CTBP2: variants seen among roughly 807,000 people sequenced by gnomAD.
CTBP2 encodes the protein C-terminal binding protein 2, also known as C-terminal-binding protein 2.
A neutral mutation model predicts 80.3 loss-of-function variants in CTBP2; 30 were observed. The ratio of observed to expected loss-of-function variants is 0.37; its 90% CI spans 0.28 to 0.51. The LOEUF is 0.51. Ranked by LOEUF, CTBP2 falls within the 20% of genes least tolerant of loss-of-function variation. The probability of loss-of-function intolerance (pLI) is 0.93; values close to 1 mark genes in which losing one functional copy is unlikely to be tolerated. For missense variants in CTBP2, 1,212 were observed against 1,375.3 expected (o/e 0.88, Z 1.88); for synonymous variants, 594 against 587.4 (o/e 1.01, Z -0.16).
At chr10:125,077,301 G>A (rs1846412744) in intron 2 of CTBP2, among the ~76,000 whole-genome samples, 1 of 152,208 alleles carries the variant, frequency 6.6e-6, no homozygotes, top group Non-Finnish European at 1.5e-5. Context: ...GAGATGCAGG[G>A]TATAAGACAC....
chr10:125,052,972 T>C (rs998836), intron 2 of CTBP2, among the ~76,000 whole-genome samples: 22,871 of 152,210 alleles, frequency 0.15, 2,025 homozygotes, highest in African/African-American at 0.24. Flanking sequence ...TCTCAAATTC[T>C]TCCCCCAGAA....
intron 1 of CTBP2, among the ~76,000 whole-genome samples, chr10:125,144,508 CTAAT>C (rs367944169): frequency 6.6e-6 from 1 of 152,268 alleles, no homozygotes; most frequent in African/African-American, 2.4e-5. Flanking sequence ...CTGAAGCCTA[CTAAT>C]TAATAAATTC....
intron 2 of CTBP2, among the ~76,000 whole-genome samples, chr10:125,084,783 G>A (rs544947322): frequency 4.0e-5 from 6 of 151,230 alleles, no homozygotes; most frequent in East Asian, 3.9e-4. Flanking sequence ...CTGACCCACC[G>A]GCACTCTTTC....
At chr10:125,141,480 T>G (rs1215246649) in intron 1 of CTBP2, among the ~76,000 whole-genome samples, 1 of 152,120 alleles carries the variant, frequency 6.6e-6, no homozygotes, top group Non-Finnish European at 1.5e-5. Flanking sequence ...CCACCCTTCT[T>G]GACCACAAAA....
chr10:125,124,436 G>A (rs764947878), intron 1 of CTBP2, among the ~76,000 whole-genome samples: 47 of 145,300 alleles, frequency 3.2e-4, no homozygotes, highest in Admixed American at 1.2e-3. Context: ...CAGTTCATTC[G>A]ACAATTTACT....
intron 1 of CTBP2, among the ~76,000 whole-genome samples, chr10:125,116,706 A>G (rs1853373503): frequency 6.6e-6 from 1 of 152,168 alleles, no homozygotes; most frequent in African/African-American, 2.4e-5. Flanking sequence ...AGGACTCTCA[A>G]TGGTAGGACC....
intron 2 of CTBP2, among the ~76,000 whole-genome samples, chr10:125,085,395 ACT>A (rs1847828385): frequency 6.6e-6 from 1 of 152,026 alleles, no homozygotes; most frequent in Non-Finnish European, 1.5e-5. Context: ...CACACGCCTG[ACT>A]CTCTGTAATG....
rs749936337 is a variant in CTBP2 at position 125,026,679 on chromosome 10, C to T, written c.1081G>A (p.Gly361Arg). 35 of 1,608,386 alleles carry T rather than the reference C, an allele frequency of 2.2e-5. No individual in the cohort carries two copies. In the African/African-American group the frequency reaches 4.5e-4, roughly 21 times the overall value. ...GACCGCGCCCGGGGCAGCGGGCCCC[C>T]CCGGTCCTGCCTCCGCAGCTGCATT... Residue 361 changes from glycine (G) to arginine (R), a missense_variant, in exon 1 of 9, where the codon GGG (glycine) becomes AGG (arginine). Transcript: ENST00000309035.
At chr10:125,012,732 TG>T (rs1178702837) in intron 1 of CTBP2, among the ~76,000 whole-genome samples, 1 of 152,164 alleles carries the variant, frequency 6.6e-6, no homozygotes, top group Non-Finnish European at 1.5e-5. Flanking sequence ...CTCCGCCTCC[TG>T]GGCTCACGTG....
At chr10:125,036,655 C>T (rs1215092923) in intron 3 of CTBP2, among the ~76,000 whole-genome samples, 1 of 147,622 alleles carries the variant, frequency 6.8e-6, no homozygotes, top group Non-Finnish European at 1.5e-5. Context: ...GGTGAGAATT[C>T]AAAGCTAGAG....
At chr10:125,011,996 G>A (rs766863728) in intron 1 of CTBP2, among the ~76,000 whole-genome samples, 1 of 152,216 alleles carries the variant, frequency 6.6e-6, no homozygotes, top group Admixed American at 6.5e-5. Flanking sequence ...CCATCCACCC[G>A]GGGCAGATCC....
At chr10:125,011,050 T>C (rs987151705) in intron 1 of CTBP2, among the ~76,000 whole-genome samples, 5 of 152,198 alleles carry the variant, frequency 3.3e-5, no homozygotes, top group African/African-American at 1.2e-4. Context: ...AAGTTCCCCC[T>C]GCTTTTCTGT....
intron 2 of CTBP2, among the ~76,000 whole-genome samples, chr10:125,063,972 C>T (rs1442146671): frequency 6.6e-6 from 1 of 152,180 alleles, no homozygotes; most frequent in African/African-American, 2.4e-5. Flanking sequence ...GCCCTCAACC[C>T]CCCGCACCCC....
chr10:125,073,133 A>G (rs1175927112), intron 2 of CTBP2, among the ~76,000 whole-genome samples: 2 of 152,262 alleles, frequency 1.3e-5, no homozygotes, highest in African/African-American at 4.8e-5. Flanking sequence ...TGCAATGGCA[A>G]GGGCCACTCT....
intron 2 of CTBP2, among the ~76,000 whole-genome samples, chr10:125,085,412 T>C (rs894235594): frequency 1.3e-5 from 2 of 152,176 alleles, no homozygotes; most frequent in African/African-American, 2.4e-5. Context: ...GTAATGACAA[T>C]GAAAGAAAGC....
intron 2 of CTBP2, among the ~76,000 whole-genome samples, chr10:125,063,908 T>C (rs1343992309): frequency 1.3e-5 from 2 of 151,546 alleles, no homozygotes; most frequent in African/African-American, 2.4e-5. Flanking sequence ...TCAGGCACGG[T>C]TTTCCCCCAC....
chr10:125,098,774 G>GAGAGAGAGAGAGAGAGAGAGAC (rs1564915121), intron 2 of CTBP2, among the ~76,000 whole-genome samples: 5 of 142,060 alleles, frequency 3.5e-5, no homozygotes, highest in African/African-American at 1.4e-4. Flanking sequence ...GAGAGAGAGA[G>GAGAGAGAGAGAGAGAGAGAGAC]AGAGACAGAG....
chr10:125,147,457 T>G (rs1858993305), intron 1 of CTBP2, among the ~76,000 whole-genome samples: 1 of 152,172 alleles, frequency 6.6e-6, no homozygotes, highest in Non-Finnish European at 1.5e-5. Flanking sequence ...TCCCACAGAC[T>G]AAAATTAACC....
chr10:125,159,683 CT>C (rs1336459933), intron 1 of CTBP2, among the ~76,000 whole-genome samples: 3 of 149,644 alleles, frequency 2.0e-5, no homozygotes, highest in African/African-American at 7.3e-5. Flanking sequence ...CACGCCCCGA[CT>C]TCCCCACGGA....
Sources: allele counts gnomAD v4.1 joint callset (sites outside exome capture counted in the v4.1 genomes callset), GRCh38; gene constraint gnomAD v4.1.1; transcripts MANE v1.5; gene names NCBI Gene and HGNC (gene_info 2026-07-23, HGNC 2026-07-21).